The following DIP2A variants were observed in gnomAD, a reference collection of about 807,000 sequenced individuals.
The protein encoded by DIP2A is DIP2 acetate--CoA ligase A.
Under a neutral mutation model 177.4 loss-of-function variants are expected in DIP2A, and 85 were observed. The ratio of observed to expected loss-of-function variants is 0.48; its 90% CI spans 0.40 to 0.57. The LOEUF (loss-of-function observed/expected upper bound fraction) is 0.57. Ranked by LOEUF, DIP2A falls within the 20% of genes least tolerant of loss-of-function variation. DIP2A has a pLI of 0.00. For missense variants in DIP2A, 1,791 were observed against 2,100.2 expected (o/e 0.85, Z 2.88); for synonymous variants, 886 against 881.8 (o/e 1.00, Z -0.08).
At chr21:46,561,674 G>C in intron 33 of DIP2A, 74 bp from the exon 34 acceptor site, 1 of 1,565,026 alleles carries the variant, frequency 6.4e-7, no homozygotes, top group Non-Finnish European at 8.8e-7. Context: ...CATTTCCAAC[G>C]TCATGATCTG....
intron 21 of DIP2A, among the ~76,000 whole-genome samples, chr21:46,548,363 C>T (rs367916537): frequency 6.6e-6 from 1 of 152,134 alleles, no homozygotes; most frequent in Non-Finnish European, 1.5e-5. Flanking sequence ...ACCACCCCCT[C>T]GCAGGGCCAC....
intron 5 of DIP2A, among the ~76,000 whole-genome samples, chr21:46,503,184 G>A (rs571763837): frequency 2.0e-5 from 3 of 152,164 alleles, no homozygotes; most frequent in Admixed American, 6.5e-5. Context: ...TTGGCTGGGT[G>A]TGGTGGCACA....
chr21:46,472,494 C>A (rs959639077), intron 1 of DIP2A, among the ~76,000 whole-genome samples: 2 of 152,140 alleles, frequency 1.3e-5, no homozygotes, highest in Non-Finnish European at 2.9e-5. Flanking sequence ...CCAGTCAGCC[C>A]AAGGGGAGGG....
chr21:46,474,039 A>G (rs986355495), intron 1 of DIP2A, among the ~76,000 whole-genome samples: 2 of 152,200 alleles, frequency 1.3e-5, no homozygotes, highest in Non-Finnish European at 2.9e-5. Flanking sequence ...TGAAAAACCC[A>G]TTGCAGTAAT....
chr21:46,486,901 A>G (rs946376590), intron 2 of DIP2A, among the ~76,000 whole-genome samples: 10 of 152,234 alleles, frequency 6.6e-5, no homozygotes, highest in Middle Eastern at 3.2e-3. Context: ...CTAAAGACCT[A>G]CATGCATCAG....
intron 3 of DIP2A, among the ~76,000 whole-genome samples, chr21:46,496,502 C>T (rs1402419275): frequency 9.9e-5 from 15 of 152,102 alleles, no homozygotes; most frequent in African/African-American, 3.1e-4. Flanking sequence ...CCTTGGGCCA[C>T]GTTGGAAGAA....
chr21:46,572,256 T>C (rs1489668529), downstream of DIP2A, among the ~76,000 whole-genome samples: 1 of 152,196 alleles, frequency 6.6e-6, no homozygotes, highest in Non-Finnish European at 1.5e-5. Context: ...CATTTGAAAG[T>C]TTATAAAGTT....
Position 46,551,848 on chromosome 21 carries a change from C to T in DIP2A, c.2974C>T (p.Gln992Ter). 2 of 1,612,210 alleles carry T rather than the reference C, an allele frequency of 1.2e-6. No homozygotes were observed. The highest frequency in any genetic ancestry group is 1.7e-5 in the Admixed American group (1 of 59,796). The change falls in exon 25 of 38, where the codon CAG becomes TAG. Residue 992 changes from glutamine to a stop codon, truncating the protein, a stop_gained. Coordinates refer to ENST00000417564, the MANE Select transcript of DIP2A (RefSeq NM_015151.4). LOFTEE classifies it high-confidence loss of function. ...GTTCCTGTTCCTGGCTGACGTGCTGCAGTGGCGTGCCCACACCACTCCTGA... is the reference window on the plus strand; with the variant it reads ...GTTCCTGTTCCTGGCTGACGTGCTGTAGTGGCGTGCCCACACCACTCCTGA... ...RKFLFLADVL[Q>*]WRAHTTPDHP...
At chr21:46,495,238 T>TCTTCTCTTCC in intron 3 of DIP2A, among the ~76,000 whole-genome samples, 1 of 57,366 alleles carries the variant, frequency 1.7e-5, no homozygotes, top group Admixed American at 1.5e-4. Context: ...TCTTCTCTTC[T>TCTTCTCTTCC]CTTCTTTCTC....
rs752648888 is a variant in DIP2A, at chr21:46,554,603, C to A, written c.3183C>A (p.Gly1061=). The change falls in exon 27 of 38, where the codon GGC becomes GGA. Residue 1061 remains glycine, a synonymous_variant. Transcript: ENST00000417564. ...TGGACCTCATTGCCGCGTTCTATGG[C>A]TGCTTGTACTGTGGCTGCGTGCCTG... is the stretch of plus-strand genomic sequence containing the variant. ...PGVDLIAAFY[G]CLYCGCVPVT... is the part of the protein sequence containing the mutation. 6.2e-7 allele frequency: 1 copy of A among 1,611,226 alleles called. No homozygotes were observed. Among genetic ancestry groups the A allele is most frequent in the Non-Finnish European group, 8.5e-7 (1 of 1,178,804 alleles).
At chr21:46,513,808 C>T (rs190410920) in intron 8 of DIP2A, among the ~76,000 whole-genome samples, 20 of 151,916 alleles carry the variant, frequency 1.3e-4, no homozygotes, top group Admixed American at 9.8e-4. Flanking sequence ...ACTTGTGATG[C>T]GATGCTCAAC....
intron 8 of DIP2A, among the ~76,000 whole-genome samples, chr21:46,514,118 A>G (rs1194575232): frequency 2.0e-5 from 3 of 152,018 alleles, no homozygotes; most frequent in African/African-American, 7.3e-5. Flanking sequence ...TAGAATTGCA[A>G]TCTATATTAT....
At chr21:46,515,679 G>A (rs189484476) in intron 8 of DIP2A, among the ~76,000 whole-genome samples, 122 of 152,110 alleles carry the variant, frequency 8.0e-4, no homozygotes, top group African/African-American at 2.8e-3. Context: ...TGGGACCACA[G>A]GCACACACCA....
chr21:46,488,620 T>C (rs1191651206), intron 2 of DIP2A, among the ~76,000 whole-genome samples: 2 of 152,208 alleles, frequency 1.3e-5, no homozygotes, highest in African/African-American at 4.8e-5. Context: ...GATATGGAAA[T>C]GCAAATTAAA....
intron 28 of DIP2A, chr21:46,555,665 T>C: frequency 2.8e-6 from 1 of 358,844 alleles, no homozygotes; most frequent in Middle Eastern, 9.1e-4. Context: ...ATAGGCTCTG[T>C]GACTTTTGGC....
At chr21:46,570,802 A>G (rs781720453), downstream of DIP2A, among the ~76,000 whole-genome samples, 1 of 152,196 alleles carries the variant, frequency 6.6e-6, no homozygotes, top group Non-Finnish European at 1.5e-5. Flanking sequence ...GAGAGAGAAT[A>G]CTTGAAGAAA....
At chr21:46,515,462 T>A (rs934731311) in intron 8 of DIP2A, among the ~76,000 whole-genome samples, 2 of 151,708 alleles carry the variant, frequency 1.3e-5, no homozygotes, top group African/African-American at 4.8e-5. Context: ...CTTTTTTTTT[T>A]TTTATATATT....
At chr21:46,473,395 C>T (rs2148342719) in intron 1 of DIP2A, among the ~76,000 whole-genome samples, 1 of 145,984 alleles carries the variant, frequency 6.9e-6, no homozygotes, top group East Asian at 2.0e-4. Flanking sequence ...ATTGAGGCTG[C>T]AGTGAACCGT....
intron 21 of DIP2A, among the ~76,000 whole-genome samples, chr21:46,549,182 C>T (rs545962608): frequency 7.2e-5 from 11 of 152,100 alleles, no homozygotes; most frequent in East Asian, 5.8e-4. Context: ...GGACAAGAGA[C>T]GGTATATCCA....
Sources: gnomAD v4.1 joint callset for allele counts (sites outside exome capture counted in the v4.1 genomes callset) on GRCh38, gnomAD v4.1.1 for gene constraint, MANE v1.5 for transcripts, NCBI Gene and HGNC (gene_info 2026-07-23, HGNC 2026-07-21) for gene names.